PRKCQ: variants seen among roughly 807,000 people sequenced by gnomAD.
PRKCQ encodes protein kinase C theta.
Under a neutral mutation model 91.2 loss-of-function variants are expected in PRKCQ, and 41 were observed. The observed-to-expected ratio is 0.45, with a 90% CI of 0.35 to 0.58. The LOEUF (loss-of-function observed/expected upper bound fraction) is 0.58, where lower values mean the gene tolerates loss of function less well. Ranked by LOEUF, PRKCQ falls within the 20% of genes least tolerant of loss-of-function variation. The pLI, the probability that PRKCQ is intolerant of heterozygous loss-of-function variation, is 0.00. For synonymous variants in PRKCQ, 307 were observed against 316.9 expected (o/e 0.97, Z 0.33); for missense variants, 673 against 896.5 (o/e 0.75, Z 3.18).
intron 12 of PRKCQ, among the ~76,000 whole-genome samples, chr10:6,464,741 C>T (rs947204069): frequency 2.0e-5 from 3 of 152,232 alleles, no homozygotes; most frequent in African/African-American, 7.2e-5. Flanking sequence ...AGCCGCCATA[C>T]CCAGTCACAG....
Position 6,486,024 on chromosome 10 carries a change from C to T in PRKCQ, c.900+11G>A. 1 of 1,610,618 alleles carries T rather than the reference C, an allele frequency of 6.2e-7. No homozygotes were observed. Among genetic ancestry groups the T allele is most frequent in the Non-Finnish European group, 8.5e-7 (1 of 1,177,764 alleles). On this transcript the variant is annotated intron_variant, in intron 9 of 17. Coordinates refer to ENST00000263125, the MANE Select transcript of PRKCQ (RefSeq NM_006257.5). Reference sequence around the variant, plus strand: ...CCATGGCGGGAACGTGTCCACGGCACATGCTCCTACCTGTTGAGTGCTCTC... The same window carrying T: ...CCATGGCGGGAACGTGTCCACGGCATATGCTCCTACCTGTTGAGTGCTCTC...
chr10:6,408,387 C>A, the PRKCQ span, among the ~76,000 whole-genome samples: 1 of 152,092 alleles, frequency 6.6e-6, no homozygotes, highest in South Asian at 2.1e-4. Context: ...GATGGAGTCT[C>A]ACTCTTGTCG....
At chr10:6,533,636 A>C (rs1234220111) in intron 1 of PRKCQ, among the ~76,000 whole-genome samples, 1 of 152,210 alleles carries the variant, frequency 6.6e-6, no homozygotes, top group Non-Finnish European at 1.5e-5. Flanking sequence ...TAGGTATTAA[A>C]ATAAAGATAT....
intron 10 of PRKCQ, 22 bp downstream of exon 10, chr10:6,485,130 G>C: frequency 6.3e-7 from 1 of 1,584,058 alleles, no homozygotes; most frequent in Non-Finnish European, 8.7e-7. Flanking sequence ...ACAGTGATTA[G>C]ACTGCTGATC....
intron 1 of PRKCQ, among the ~76,000 whole-genome samples, chr10:6,577,921 C>A (rs1166414774): frequency 6.6e-6 from 1 of 152,220 alleles, no homozygotes; most frequent in Non-Finnish European, 1.5e-5. Flanking sequence ...AGCCCATACT[C>A]TTGAAAGAAA....
intron 4 of PRKCQ, among the ~76,000 whole-genome samples, chr10:6,499,822 C>T (rs1301049984): frequency 6.6e-6 from 1 of 152,180 alleles, no homozygotes; most frequent in African/African-American, 2.4e-5. Flanking sequence ...ACCTTATTGT[C>T]CAATCCCTAA....
chr10:6,549,210 CA>C (rs372823016), intron 1 of PRKCQ, among the ~76,000 whole-genome samples: 4 of 152,276 alleles, frequency 2.6e-5, no homozygotes, highest in African/African-American at 9.6e-5. Context: ...AAGAGGAATC[CA>C]AGTGCCCTGG....
intron 1 of PRKCQ, among the ~76,000 whole-genome samples, chr10:6,577,071 CT>C (rs1841266964): frequency 6.6e-6 from 1 of 152,080 alleles, no homozygotes; most frequent in African/African-American, 2.4e-5. Flanking sequence ...ATAATTAATA[CT>C]ATTAGCTTAA....
chr10:6,498,159 G>A (rs934139375), intron 5 of PRKCQ, among the ~76,000 whole-genome samples: 1 of 151,042 alleles, frequency 6.6e-6, no homozygotes, highest in Non-Finnish European at 1.5e-5. Flanking sequence ...CCCCCCCATT[G>A]AGGCAGAAAC....
At chr10:6,404,471 CTTTT>C in the PRKCQ span, among the ~76,000 whole-genome samples, 4 of 133,654 alleles carry the variant, frequency 3.0e-5, no homozygotes, top group East Asian at 8.6e-4. Flanking sequence ...TCCTTTTTTC[CTTTT>C]TTCTTTCTTT....
chr10:6,506,682 G>A (rs990888028), intron 4 of PRKCQ, among the ~76,000 whole-genome samples: 1 of 152,096 alleles, frequency 6.6e-6, no homozygotes, highest in Non-Finnish European at 1.5e-5. Context: ...ATTATATATG[G>A]TAAGCCGAAA....
At chr10:6,438,549 T>C (rs1833809106) in intron 16 of PRKCQ, among the ~76,000 whole-genome samples, 1 of 152,136 alleles carries the variant, frequency 6.6e-6, no homozygotes, top group Non-Finnish European at 1.5e-5. Flanking sequence ...CAATGTTTCT[T>C]CCAAAACACC....
At chr10:6,498,124 G>C (rs1830976851) in intron 5 of PRKCQ, among the ~76,000 whole-genome samples, 1 of 152,118 alleles carries the variant, frequency 6.6e-6, no homozygotes, top group African/African-American at 2.4e-5. Flanking sequence ...TTTCACTTCT[G>C]TTTCTTCCCA....
At chr10:6,541,952 T>C (rs1485645837) in intron 1 of PRKCQ, among the ~76,000 whole-genome samples, 1 of 152,194 alleles carries the variant, frequency 6.6e-6, no homozygotes, top group Non-Finnish European at 1.5e-5. Context: ...TTATGTGACA[T>C]GATTAAAACG....
At chr10:6,483,815 T>C (rs913272557) in intron 10 of PRKCQ, among the ~76,000 whole-genome samples, 1 of 152,204 alleles carries the variant, frequency 6.6e-6, no homozygotes, top group Non-Finnish European at 1.5e-5. Context: ...GCATTTGGAT[T>C]TTGGAGTGTG....
the PRKCQ span, among the ~76,000 whole-genome samples, chr10:6,400,677 T>G: frequency 6.7e-6 from 1 of 150,130 alleles, no homozygotes; most frequent in Non-Finnish European, 1.5e-5. Flanking sequence ...TTATATGGTT[T>G]GGCTACATGT....
In PRKCQ at chr10:6,517,588, C is replaced by CTTTTTT. The variant is rs56306878; in HGVS notation, c.-9-2450_-9-2445dup. 1.0e-3 allele frequency among the ~76,000 whole-genome samples: 50 copies of CTTTTTT among 49,494 alleles called. 8 individuals are homozygous for CTTTTTT. Among genetic ancestry groups the CTTTTTT allele is most frequent in the African/African-American group, 3.7e-3 (47 of 12,680 alleles). The allele number at this position is 49,494 out of a possible 152,430, so 32.5% of individuals were successfully genotyped here. The stretch of plus-strand genomic sequence containing the variant: ...AAAAAATGCATCTTTAAGATAGCAT[C>CTTTTTT]TTTTTTTTTTTTTTTTTTTTTTTTT... On this transcript the variant is annotated intron_variant, in intron 1 of 17. Transcript: ENST00000263125.
chr10:6,506,204 ATTCTTTCT>A (rs528777958), intron 4 of PRKCQ, among the ~76,000 whole-genome samples: 1 of 152,166 alleles, frequency 6.6e-6, no homozygotes, highest in African/African-American at 2.4e-5. Context: ...CATCTCAGTA[ATTCTTTCT>A]TTCTTTTAAA....
At chr10:6,572,277 TGTTACATGG>T (rs1841075067) in intron 1 of PRKCQ, among the ~76,000 whole-genome samples, 1 of 109,986 alleles carries the variant, frequency 9.1e-6, no homozygotes, top group Non-Finnish European at 2.3e-5. Flanking sequence ...CGTGCAGGTT[TGTTACATGG>T]GTAAACGTGC....
Sources: gnomAD v4.1 joint callset for allele counts (sites outside exome capture counted in the v4.1 genomes callset) on GRCh38, gnomAD v4.1.1 for gene constraint, MANE v1.5 for transcripts, NCBI Gene and HGNC (gene_info 2026-07-23, HGNC 2026-07-21) for gene names.